AP3B1: variants seen among roughly 807,000 people sequenced by gnomAD.
AP3B1 encodes the protein AP-3 complex subunit beta-1.
Under a neutral mutation model 132.5 loss-of-function variants are expected in AP3B1, and 61 were observed. That is an observed-to-expected ratio of 0.46 (90% CI 0.37 to 0.57). The LOEUF is 0.57. Ranked by LOEUF, AP3B1 falls within the 20% of genes least tolerant of loss-of-function variation. AP3B1 has a pLI of 0.00. For missense variants in AP3B1, 1,120 were observed against 1,289.4 expected (o/e 0.87, Z 2.01); for synonymous variants, 388 against 438.3 (o/e 0.89, Z 1.43).
intron 2 of AP3B1, among the ~76,000 whole-genome samples, chr5:78,265,549 C>T (rs893285967): frequency 2.6e-5 from 4 of 152,176 alleles, no homozygotes; most frequent in Non-Finnish European, 5.9e-5. Context: ...AAGAATCTTT[C>T]GTATTCCTCA....
At chr5:78,254,167 C>CAAAGAAA (rs1747759304) in intron 2 of AP3B1, among the ~76,000 whole-genome samples, 1 of 150,322 alleles carries the variant, frequency 6.7e-6, no homozygotes, top group Non-Finnish European at 1.5e-5. Context: ...CAGAGGAGAC[C>CAAAGAAA]AAAGAAAAAA....
At chr5:78,138,969 CAAAAAAAAAAAA>C (rs34427836) in intron 15 of AP3B1, among the ~76,000 whole-genome samples, 5 of 39,470 alleles carry the variant, frequency 1.3e-4, no homozygotes, top group African/African-American at 5.2e-4. Context: ...AACTCTGTCT[CAAAAAAAAAAAA>C]AAAAAAAAAC....
At chr5:78,192,573 C>T (rs1446045996) in intron 7 of AP3B1, among the ~76,000 whole-genome samples, 6 of 152,056 alleles carry the variant, frequency 3.9e-5, no homozygotes, top group Non-Finnish European at 8.8e-5. Flanking sequence ...ACCTGGGAGG[C>T]GGAGGTTGCA....
intron 22 of AP3B1, chr5:78,089,153 A>C (rs34667303): frequency 2.3e-6 from 1 of 439,674 alleles, no homozygotes; most frequent in Non-Finnish European, 4.2e-6. Context: ...CAGATATATA[A>C]CAATACCAGA....
chr5:78,074,886 T>C (rs1157113830), intron 22 of AP3B1, among the ~76,000 whole-genome samples: 1 of 152,100 alleles, frequency 6.6e-6, no homozygotes, highest in Non-Finnish European at 1.5e-5. Context: ...TGAGCTGAGA[T>C]TGCGCCACTG....
intron 14 of AP3B1, among the ~76,000 whole-genome samples, chr5:78,153,771 T>C (rs917474505): frequency 6.6e-6 from 1 of 152,184 alleles, no homozygotes; most frequent in African/African-American, 2.4e-5. Flanking sequence ...TACTATCTTA[T>C]TAATATAATC....
At chr5:78,239,320 A>C (rs968896748) in intron 3 of AP3B1, among the ~76,000 whole-genome samples, 1 of 150,980 alleles carries the variant, frequency 6.6e-6, no homozygotes, top group East Asian at 2.0e-4. Context: ...AAAATATGAA[A>C]ATTAGCTGGA....
At chr5:78,289,740 T>G (rs1749431478) in intron 1 of AP3B1, among the ~76,000 whole-genome samples, 1 of 152,176 alleles carries the variant, frequency 6.6e-6, no homozygotes, top group East Asian at 1.9e-4. Flanking sequence ...TTTTTCTAGT[T>G]CTTCCATTCA....
chr5:78,154,379 C>T (rs1268284879), intron 14 of AP3B1, among the ~76,000 whole-genome samples: 1 of 152,090 alleles, frequency 6.6e-6, no homozygotes, highest in Non-Finnish European at 1.5e-5. Context: ...AGGATCCTTT[C>T]CCATCCTTGA....
intron 22 of AP3B1, among the ~76,000 whole-genome samples, chr5:78,056,732 T>C (rs1177488039): frequency 6.6e-6 from 1 of 152,192 alleles, no homozygotes; most frequent in African/African-American, 2.4e-5. Flanking sequence ...CAGTCCCCAG[T>C]ATGGTCTTTG....
intron 24 of AP3B1, among the ~76,000 whole-genome samples, chr5:78,023,834 A>G (rs6877578): frequency 0.038 from 5,801 of 152,256 alleles, 380 homozygotes; most frequent in African/African-American, 0.13. Context: ...GGTGAAGGGA[A>G]GATTGGCAAT....
intron 19 of AP3B1, among the ~76,000 whole-genome samples, chr5:78,112,475 T>C (rs1751636806): frequency 6.6e-6 from 1 of 152,182 alleles, no homozygotes; most frequent in Admixed American, 6.5e-5. Flanking sequence ...AAAAGAATAA[T>C]AAACCTAATA....
At chr5:78,204,956 G>A (rs923973848) in intron 7 of AP3B1, among the ~76,000 whole-genome samples, 1 of 152,062 alleles carries the variant, frequency 6.6e-6, no homozygotes, top group African/African-American at 2.4e-5. Flanking sequence ...TCTCTGTGGA[G>A]CAACAAGCTC....
At chr5:78,023,759 A>G (rs1011444648) in intron 24 of AP3B1, among the ~76,000 whole-genome samples, 1 of 152,204 alleles carries the variant, frequency 6.6e-6, no homozygotes, top group Admixed American at 6.5e-5. Context: ...AAAAAGAAGT[A>G]TAACTGTTAA....
intron 6 of AP3B1, among the ~76,000 whole-genome samples, chr5:78,223,027 C>CTTT (rs1554077324): frequency 7.8e-6 from 1 of 127,818 alleles, no homozygotes; most frequent in Non-Finnish European, 1.7e-5. Flanking sequence ...TTGTTTGTTT[C>CTTT]TTTTTTTTTT....
At chr5:78,178,275 T>C (rs925840682) in intron 8 of AP3B1, among the ~76,000 whole-genome samples, 1 of 152,174 alleles carries the variant, frequency 6.6e-6, no homozygotes, top group African/African-American at 2.4e-5. Flanking sequence ...AAAATAATCT[T>C]GTTTTTAAAA....
rs754333380 is a variant in AP3B1, at chr5:78,039,779, AAAAAAAAAAAAAAGAAAAG to A, written c.2578-524_2578-506del. ...GGCGACAGAGCGAGACTCCGTCTCA[AAAAAAAAAAAAAAGAAAAG>A]AAAAGAAAAAAAAAAGAAATTTTTC... On this transcript the variant is annotated intron_variant, in intron 22 of 26. Transcript: ENST00000255194. Among the ~76,000 whole-genome samples the A allele has an allele frequency of 1.9e-4, 28 of 144,218 alleles. 4 individuals are homozygous for A. The East Asian group carries it at 2.0e-3, about 10-fold the overall frequency. The allele number at this position is 144,218 out of a possible 152,430, so 94.6% of individuals were successfully genotyped here. A position where few individuals can be genotyped will look rare whatever the true frequency, so the allele number is the denominator to read the frequency against.
At chr5:78,070,406 CA>C (rs1361584546) in intron 22 of AP3B1, among the ~76,000 whole-genome samples, 1 of 47,794 alleles carries the variant, frequency 2.1e-5, no homozygotes, top group African/African-American at 1.3e-4. Flanking sequence ...GACTCCATCT[CA>C]AGAAAAAAAA....
chr5:78,105,831 C>T (rs1751309294), intron 20 of AP3B1, among the ~76,000 whole-genome samples: 1 of 152,136 alleles, frequency 6.6e-6, no homozygotes, highest in African/African-American at 2.4e-5. Flanking sequence ...CAATCAATAA[C>T]ACAAACAAAC....
Sources: allele counts gnomAD v4.1 joint callset (sites outside exome capture counted in the v4.1 genomes callset), GRCh38; gene constraint gnomAD v4.1.1; transcripts MANE v1.5; gene names NCBI Gene and HGNC (gene_info 2026-07-23, HGNC 2026-07-21).